CDK14: variants seen among roughly 807,000 people sequenced by gnomAD.
The protein encoded by CDK14 is cyclin dependent kinase 14.
CDK14 carries 34 observed loss-of-function variants against 60.7 expected under a neutral mutation model. The observed-to-expected ratio is 0.56, with a 90% CI of 0.43 to 0.75. The LOEUF (loss-of-function observed/expected upper bound fraction) is 0.75, where lower values mean the gene tolerates loss of function less well. Ranked by LOEUF, CDK14 falls within the 30% of genes least tolerant of loss-of-function variation. CDK14 has a pLI of 0.00. For synonymous variants in CDK14, 197 were observed against 203.7 expected, an observed-to-expected ratio of 0.97 and a Z score of 0.28; for missense variants, 482 against 564.1, an observed-to-expected ratio of 0.85 and a Z score of 1.47.
chr7:90,840,836 G>C lies in CDK14; in HGVS notation c.545-22339G>C, dbSNP rs192237913. The stretch of plus-strand genomic sequence containing the variant: ...TCTCTTATACCAAAGGGCTACAGCT[G>C]TTCTCCATTGAGAGGTTTAGCCAAT... On this transcript the variant is annotated intron_variant, in intron 5 of 14. Transcript: ENST00000380050. 8.3e-4 allele frequency among the ~76,000 whole-genome samples: 127 copies of C among 152,266 alleles called. 2 individuals carry two copies. The highest frequency in any genetic ancestry group is 2.9e-3 in the African/African-American group (120 of 41,562).
intron 2 of CDK14, among the ~76,000 whole-genome samples, chr7:90,609,413 G>T (rs183712879): frequency 5.3e-5 from 8 of 152,294 alleles, no homozygotes; most frequent in African/African-American, 1.9e-4. Flanking sequence ...GGGGGGCCTG[G>T]TGGGAGGTGA....
At chr7:91,091,447 GTATATAATTTA>G (rs1255691040) in intron 12 of CDK14, among the ~76,000 whole-genome samples, 1 of 133,184 alleles carries the variant, frequency 7.5e-6, no homozygotes, top group African/African-American at 2.9e-5. Flanking sequence ...ATACACATAT[GTATATAATTTA>G]TATATAATAT....
chr7:90,781,089 G>A (rs1452672771), intron 4 of CDK14, among the ~76,000 whole-genome samples: 8 of 152,112 alleles, frequency 5.3e-5, no homozygotes, highest in South Asian at 2.1e-4. Context: ...TTTAATGATC[G>A]CCATTCTAAC....
intron 2 of CDK14, among the ~76,000 whole-genome samples, chr7:90,724,172 T>G (rs1802550337): frequency 6.6e-6 from 1 of 152,124 alleles, no homozygotes; most frequent in Admixed American, 6.6e-5. Flanking sequence ...CTTTGGTAGT[T>G]TTTGTCTTTC....
chr7:90,669,689 A>G (rs945803518), intron 2 of CDK14, among the ~76,000 whole-genome samples: 2 of 152,224 alleles, frequency 1.3e-5, no homozygotes, highest in Non-Finnish European at 2.9e-5. Context: ...TTTTAGATAC[A>G]TGAGCCTGTA....
At chr7:90,634,624 T>C (rs1351381511) in intron 2 of CDK14, among the ~76,000 whole-genome samples, 6 of 152,122 alleles carry the variant, frequency 3.9e-5, no homozygotes, top group Non-Finnish European at 7.3e-5. Flanking sequence ...GCAGCACGAT[T>C]TATAGTCCTT....
intron 2 of CDK14, among the ~76,000 whole-genome samples, chr7:90,706,316 T>C (rs1801893881): frequency 6.6e-6 from 1 of 152,206 alleles, no homozygotes; most frequent in African/African-American, 2.4e-5. Flanking sequence ...TCTACATGCT[T>C]GTTGAGACTA....
intron 5 of CDK14, among the ~76,000 whole-genome samples, chr7:90,793,547 A>G (rs1284845574): frequency 6.6e-6 from 1 of 152,250 alleles, no homozygotes; most frequent in Non-Finnish European, 1.5e-5. Context: ...AGAAAGCTCA[A>G]TGCCTTTGCC....
intron 2 of CDK14, among the ~76,000 whole-genome samples, chr7:90,633,320 A>G (rs1224527736): frequency 1.3e-5 from 2 of 152,190 alleles, no homozygotes; most frequent in Admixed American, 1.3e-4. Flanking sequence ...CCATGATAAA[A>G]GTGAGCATTT....
chr7:91,045,052 G>A (rs1384831975), intron 10 of CDK14, among the ~76,000 whole-genome samples: 1 of 152,200 alleles, frequency 6.6e-6, no homozygotes, highest in Non-Finnish European at 1.5e-5. Flanking sequence ...TACATGGCTG[G>A]TAAATAGGGG....
intron 6 of CDK14, among the ~76,000 whole-genome samples, chr7:90,874,229 T>A (rs1791473085): frequency 6.6e-6 from 1 of 152,110 alleles, no homozygotes; most frequent in Non-Finnish European, 1.5e-5. Flanking sequence ...TGCGAGATTT[T>A]TGTTGTTGTT....
intron 14 of CDK14, among the ~76,000 whole-genome samples, chr7:91,173,485 A>G (rs1291687819): frequency 6.6e-6 from 1 of 151,866 alleles, no homozygotes; most frequent in Non-Finnish European, 1.5e-5. Context: ...GCTCCGGTCT[A>G]TAGCTCCCAG....
At chr7:90,778,610 G>A (rs545265571) in intron 4 of CDK14, among the ~76,000 whole-genome samples, 3 of 152,256 alleles carry the variant, frequency 2.0e-5, no homozygotes, top group East Asian at 1.9e-4. Flanking sequence ...AAGGCCCTTC[G>A]TGATCTGGCT....
At chr7:90,993,306 T>C (rs1795589341) in intron 10 of CDK14, among the ~76,000 whole-genome samples, 1 of 152,114 alleles carries the variant, frequency 6.6e-6, no homozygotes, top group Admixed American at 6.5e-5. Flanking sequence ...ATGAAGAGAA[T>C]TGATGTCACC....
intron 14 of CDK14, among the ~76,000 whole-genome samples, chr7:91,149,940 ACAAGG>A (rs1339879419): frequency 1.3e-5 from 2 of 152,214 alleles, no homozygotes; most frequent in South Asian, 2.1e-4. Flanking sequence ...TTGTTGGCTA[ACAAGG>A]CACCATAGTT....
chr7:90,775,983 A>C (rs925384816), intron 4 of CDK14, among the ~76,000 whole-genome samples: 1 of 152,050 alleles, frequency 6.6e-6, no homozygotes, highest in African/African-American at 2.4e-5. Context: ...TAGGTTTCAA[A>C]TCTCAGTATG....
chr7:90,758,949 G>A (rs1001703824), intron 4 of CDK14, among the ~76,000 whole-genome samples: 1 of 151,850 alleles, frequency 6.6e-6, no homozygotes, highest in Non-Finnish European at 1.5e-5. Context: ...CCAGCTACTC[G>A]GAAGGCTGAG....
At chr7:91,060,054 G>C (rs550644692) in intron 11 of CDK14, among the ~76,000 whole-genome samples, 1 of 151,456 alleles carries the variant, frequency 6.6e-6, no homozygotes, top group Non-Finnish European at 1.5e-5. Flanking sequence ...GTCTTTGTAG[G>C]TCCTAAGGAC....
At chr7:90,609,339 A>T (rs533217452) in intron 2 of CDK14, among the ~76,000 whole-genome samples, 176 of 152,130 alleles carry the variant, frequency 1.2e-3, no homozygotes, top group African/African-American at 4.1e-3. Flanking sequence ...AGTGATTTTT[A>T]TGAGAACCAG....
Sources: gnomAD v4.1 joint callset for allele counts (sites outside exome capture counted in the v4.1 genomes callset) on GRCh38, gnomAD v4.1.1 for gene constraint, MANE v1.5 for transcripts, NCBI Gene and HGNC (gene_info 2026-07-23, HGNC 2026-07-21) for gene names.